Variants in HM13 observed in about 807,000 individuals in gnomAD.
HM13 encodes signal peptide peptidase.
In HM13, 18 loss-of-function variants were observed where a neutral mutation model predicts 50.0. The ratio of observed to expected loss-of-function variants is 0.36; its 90% CI spans 0.25 to 0.53. The LOEUF is 0.53. HM13 is among the 20% of genes least tolerant of loss of function. The probability of loss-of-function intolerance (pLI) is 0.90; values close to 1 mark genes in which losing one functional copy is unlikely to be tolerated. For missense variants in HM13, 393 were observed against 552.4 expected (o/e 0.71, Z 2.89); for synonymous variants, 197 against 232.6 (o/e 0.85, Z 1.39).
At chr20:31,546,255 T>C (rs1983711273) in intron 4 of HM13, among the ~76,000 whole-genome samples, 1 of 151,370 alleles carries the variant, frequency 6.6e-6, no homozygotes, top group Non-Finnish European at 1.5e-5. Context: ...TTTCACCGTG[T>C]TAGGATGGTC....
rs924504474 is a variant in HM13, at chr20:31,521,788, A to T, written c.184-5696A>T. Among the ~76,000 whole-genome samples the T allele has an allele frequency of 6.6e-5, 10 of 150,832 alleles. No individual in the cohort carries two copies. The Admixed American group carries it at 6.6e-4, about 10-fold the overall frequency. On this transcript the variant is annotated intron_variant, in intron 1 of 12. Transcript: ENST00000398174. ...TTTTTGTGAGGATGAAAACATGTAA[A>T]GTACCTAGAACAGTGCAGTAATGTT... is the stretch of plus-strand genomic sequence containing the variant.
intron 8 of HM13, among the ~76,000 whole-genome samples, chr20:31,556,094 C>T (rs994211146): frequency 1.3e-5 from 2 of 150,142 alleles, no homozygotes; most frequent in African/African-American, 2.5e-5. Context: ...TGCAATAACG[C>T]GATCTCGGCT....
At position 31,544,933 on chromosome 20, in the gene HM13, G is replaced by A; in HGVS notation, c.366-14G>A. ...GGGGCTCTGTTTGCCGACTTGCTTT[G>A]TCTTTCCTTCCAGCCCCTTCATGAA... On this transcript the variant is annotated splice_polypyrimidine_tract_variant and intron_variant, in intron 3 of 12. Coordinates refer to ENST00000398174, the MANE Select transcript of HM13 (RefSeq NM_178581.3). 1.2e-6 allele frequency: 2 copies of A among 1,612,926 alleles called. No homozygotes were observed. The highest frequency in any genetic ancestry group is 1.7e-6 in the Non-Finnish European group (2 of 1,178,898).
chr20:31,551,956 C>T (rs1449882663), intron 7 of HM13, among the ~76,000 whole-genome samples: 1 of 152,148 alleles, frequency 6.6e-6, no homozygotes, highest in Non-Finnish European at 1.5e-5. Flanking sequence ...GGCCCATGAG[C>T]CAGACACTCC....
intron 8 of HM13, among the ~76,000 whole-genome samples, chr20:31,557,018 C>CAAA (rs11479053): frequency 2.0e-5 from 2 of 100,472 alleles, no homozygotes; most frequent in Non-Finnish European, 2.2e-5. Context: ...GACTCCATCT[C>CAAA]AAAAAAAAAA....
intron 3 of HM13, chr20:31,539,514 G>A: frequency 1.0e-6 from 1 of 985,516 alleles, no homozygotes; most frequent in Non-Finnish European, 1.2e-6. Flanking sequence ...AAGCCAATAT[G>A]AGGCCAGGTG....
intron 1 of HM13, among the ~76,000 whole-genome samples, chr20:31,526,806 A>G (rs1388030962): frequency 1.3e-5 from 2 of 152,218 alleles, no homozygotes; most frequent in African/African-American, 4.8e-5. Context: ...AACTCATAAT[A>G]TTCATTACCT....
At chr20:31,534,447 G>A (rs1448745337) in intron 2 of HM13, among the ~76,000 whole-genome samples, 2 of 152,166 alleles carry the variant, frequency 1.3e-5, no homozygotes, top group African/African-American at 4.8e-5. Context: ...CAAAGGGCAT[G>A]AGGGGATTTA....
Position 31,549,579 on chromosome 20 carries a change from C to A in HM13, c.666+247C>A, listed in dbSNP as rs1266497112. 2.6e-5 allele frequency among the ~76,000 whole-genome samples: 4 copies of A among 152,318 alleles called. No homozygotes were observed. The South Asian group carries it at 8.3e-4, about 32-fold the overall frequency. ...ACCACCTGCCTCTCTTCCTTGCTAG[C>A]AGGGGTGTTACCTAATCCCATGTCT... On this transcript the variant is annotated intron_variant, in intron 6 of 12. Transcript: ENST00000398174.
At chr20:31,547,966 A>G in intron 4 of HM13, 1 of 1,535,126 alleles carries the variant, frequency 6.5e-7, no homozygotes. Flanking sequence ...TGCAGAAGAT[A>G]TTGAGAAAGT....
intron 4 of HM13, chr20:31,547,462 A>G (rs539864308): frequency 1.0e-5 from 6 of 594,928 alleles, no homozygotes; most frequent in South Asian, 2.1e-5. Context: ...AGCCTTGCCA[A>G]TTCCGTTTGT....
At chr20:31,524,652 T>G (rs991521192) in intron 1 of HM13, among the ~76,000 whole-genome samples, 5 of 151,238 alleles carry the variant, frequency 3.3e-5, no homozygotes, top group African/African-American at 1.2e-4. Context: ...TTATTAAGAG[T>G]GAGAATAAAG....
At chr20:31,567,303 C>G (rs1190385514) in intron 11 of HM13, among the ~76,000 whole-genome samples, 1 of 152,146 alleles carries the variant, frequency 6.6e-6, no homozygotes, top group Admixed American at 6.5e-5. Flanking sequence ...CCCATCCAGC[C>G]CAGGTTTCCC....
rs1373763072 is a variant in HM13 at position 31,545,055 on chromosome 20, C to A, written c.454+20C>A. 3 of 1,590,414 alleles carry A rather than the reference C, an allele frequency of 1.9e-6. No homozygotes were observed. The highest frequency in any genetic ancestry group is 2.6e-6 in the Non-Finnish European group (3 of 1,158,456). On this transcript the variant is annotated intron_variant, in intron 4 of 12. Transcript: ENST00000398174. ...AGGAAGGTCAGTGCTAACCACTTTC[C>A]CCTGTAGTGTGCCTTGGGTGTCTTC... is the stretch of plus-strand genomic sequence containing the variant.
intron 1 of HM13, among the ~76,000 whole-genome samples, chr20:31,524,950 C>T (rs1196764045): frequency 1.3e-5 from 2 of 151,698 alleles, no homozygotes; most frequent in Non-Finnish European, 1.5e-5. Flanking sequence ...CCTGACCTCA[C>T]GATCCGCCTG....
chr20:31,521,219 G>T (rs1228759920), intron 1 of HM13, among the ~76,000 whole-genome samples: 1 of 152,154 alleles, frequency 6.6e-6, no homozygotes, highest in Non-Finnish European at 1.5e-5. Flanking sequence ...AAGGTTGCAG[G>T]CTTCCCAAGT....
intron 6 of HM13, among the ~76,000 whole-genome samples, chr20:31,549,548 C>G (rs1983913341): frequency 6.6e-6 from 1 of 152,188 alleles, no homozygotes; most frequent in Non-Finnish European, 1.5e-5. Context: ...TGCCCGGTGC[C>G]TTCCGACCAC....
At chr20:31,537,302 G>A (rs975948077) in intron 2 of HM13, among the ~76,000 whole-genome samples, 1 of 152,238 alleles carries the variant, frequency 6.6e-6, no homozygotes, top group African/African-American at 2.4e-5. Flanking sequence ...CACCACGAGG[G>A]CAAGAGGCCA....
intron 8 of HM13, among the ~76,000 whole-genome samples, chr20:31,558,258 C>G (rs1984423786): frequency 6.6e-6 from 1 of 152,194 alleles, no homozygotes; most frequent in African/African-American, 2.4e-5. Flanking sequence ...CTCTCCTGTG[C>G]TCCTGTGGAG....
Sources: gnomAD v4.1 joint callset for allele counts (sites outside exome capture counted in the v4.1 genomes callset) on GRCh38, gnomAD v4.1.1 for gene constraint, MANE v1.5 for transcripts, NCBI Gene and HGNC (gene_info 2026-07-23, HGNC 2026-07-21) for gene names.